The following SPOCK1 variants were observed in gnomAD, a reference collection of about 807,000 sequenced individuals.
SPOCK1 encodes SPARC (osteonectin), cwcv and kazal like domains proteoglycan 1, also known as testican-1.
SPOCK1 carries 23 observed loss-of-function variants against 55.3 expected under a neutral mutation model. That is an observed-to-expected ratio of 0.42 (90% CI 0.30 to 0.59). The LOEUF (loss-of-function observed/expected upper bound fraction) is 0.59. SPOCK1 is among the 20% of genes least tolerant of loss of function. The pLI, the probability that SPOCK1 is intolerant of heterozygous loss-of-function variation, is 0.22. For synonymous variants in SPOCK1, 226 were observed against 221.0 expected (o/e 1.02, Z -0.20); for missense variants, 499 against 552.5 (o/e 0.90, Z 0.97).
intron 2 of SPOCK1, among the ~76,000 whole-genome samples, chr5:137,432,115 T>A (rs1195022385): frequency 6.6e-6 from 1 of 152,020 alleles, no homozygotes; most frequent in African/African-American, 2.4e-5. Flanking sequence ...AAATAACAAG[T>A]GTTGGTATGA....
chr5:137,127,980 T>C (rs942470551), intron 4 of SPOCK1, among the ~76,000 whole-genome samples: 3 of 152,234 alleles, frequency 2.0e-5, no homozygotes, highest in Non-Finnish European at 2.9e-5. Context: ...AAGAATGCTA[T>C]GGACAATGTT....
intron 3 of SPOCK1, among the ~76,000 whole-genome samples, chr5:137,159,790 A>C (rs796193711): frequency 1.3e-5 from 2 of 152,096 alleles, no homozygotes; most frequent in Admixed American, 6.6e-5. Context: ...TGAACTGTCC[A>C]CTTTTAATTC....
At chr5:137,334,996 GA>G (rs1750216757) in intron 2 of SPOCK1, among the ~76,000 whole-genome samples, 1 of 152,206 alleles carries the variant, frequency 6.6e-6, no homozygotes, top group Admixed American at 6.5e-5. Context: ...TCACCCCTAT[GA>G]CATGTCCACA....
chr5:137,426,258 A>G (rs188784072), intron 2 of SPOCK1, among the ~76,000 whole-genome samples: 117 of 152,280 alleles, frequency 7.7e-4, no homozygotes, highest in African/African-American at 2.8e-3. Flanking sequence ...TTTAATCTAT[A>G]TATACCATGG....
At chr5:137,118,411 C>G (rs148264772) in intron 4 of SPOCK1, among the ~76,000 whole-genome samples, 1 of 152,212 alleles carries the variant, frequency 6.6e-6, no homozygotes, top group Non-Finnish European at 1.5e-5. Flanking sequence ...ACCTTCAACT[C>G]CGCACGTCAG....
intron 2 of SPOCK1, among the ~76,000 whole-genome samples, chr5:137,288,694 A>C (rs917814780): frequency 6.6e-6 from 1 of 152,222 alleles, no homozygotes; most frequent in Non-Finnish European, 1.5e-5. Context: ...TTTTACATAC[A>C]GAATTCTAAG....
At chr5:137,123,865 G>A (rs897902277) in intron 4 of SPOCK1, among the ~76,000 whole-genome samples, 1 of 152,086 alleles carries the variant, frequency 6.6e-6, no homozygotes. Context: ...TTACTTCCAT[G>A]AGATAGATCC....
chr5:137,328,528 G>A (rs1163130239), intron 2 of SPOCK1, among the ~76,000 whole-genome samples: 1 of 152,178 alleles, frequency 6.6e-6, no homozygotes, highest in Non-Finnish European at 1.5e-5. Context: ...GCCGTGCCAG[G>A]CCGACAGTGT....
At chr5:137,111,865 T>C (rs1753481824) in intron 5 of SPOCK1, among the ~76,000 whole-genome samples, 1 of 152,170 alleles carries the variant, frequency 6.6e-6, no homozygotes, top group Non-Finnish European at 1.5e-5. Flanking sequence ...GAAACAATTT[T>C]CTTGTTGTTG....
chr5:137,024,429 T>C (rs552364339), intron 6 of SPOCK1, among the ~76,000 whole-genome samples: 1 of 152,018 alleles, frequency 6.6e-6, no homozygotes, highest in South Asian at 2.1e-4. Context: ...GTTTTCAGAA[T>C]AAAAGGAGCA....
chr5:137,491,162 C>G (rs895031568), intron 2 of SPOCK1, among the ~76,000 whole-genome samples: 1 of 152,188 alleles, frequency 6.6e-6, no homozygotes, highest in Non-Finnish European at 1.5e-5. Flanking sequence ...AACTGATGCT[C>G]TAGCCAAACA....
intron 3 of SPOCK1, among the ~76,000 whole-genome samples, chr5:137,190,102 G>C (rs2127069579): frequency 6.6e-6 from 1 of 152,132 alleles, no homozygotes; most frequent in East Asian, 1.9e-4. Flanking sequence ...TCTACTGCTG[G>C]TGAAGAGGCT....
intron 4 of SPOCK1, among the ~76,000 whole-genome samples, chr5:137,121,839 T>G (rs1228185336): frequency 1.4e-5 from 2 of 146,688 alleles, no homozygotes; most frequent in Non-Finnish European, 3.0e-5. Flanking sequence ...TATTATTATA[T>G]TTTATAAATA....
At chr5:137,418,673 T>C (rs1752409915) in intron 2 of SPOCK1, among the ~76,000 whole-genome samples, 1 of 152,210 alleles carries the variant, frequency 6.6e-6, no homozygotes, top group South Asian at 2.1e-4. Context: ...ATAAATTTGT[T>C]TGAGTTCTTT....
intron 3 of SPOCK1, among the ~76,000 whole-genome samples, chr5:137,252,762 A>G (rs1243928344): frequency 6.6e-6 from 1 of 152,260 alleles, no homozygotes; most frequent in Non-Finnish European, 1.5e-5. Context: ...CAAAACTACA[A>G]TTAATCTGGC....
intron 2 of SPOCK1, among the ~76,000 whole-genome samples, chr5:137,434,104 A>T (rs1752805309): frequency 6.6e-6 from 1 of 152,240 alleles, no homozygotes; most frequent in Non-Finnish European, 1.5e-5. Flanking sequence ...TTTAAATCTA[A>T]TTAAACAGAT....
intron 2 of SPOCK1, among the ~76,000 whole-genome samples, chr5:137,413,221 C>T (rs1337407698): frequency 1.3e-5 from 2 of 152,074 alleles, no homozygotes; most frequent in African/African-American, 2.4e-5. Flanking sequence ...ATTGACTCTT[C>T]GTCTATTTTG....
intron 2 of SPOCK1, among the ~76,000 whole-genome samples, chr5:137,402,108 T>C (rs1733636051): frequency 6.6e-6 from 1 of 152,170 alleles, no homozygotes; most frequent in Non-Finnish European, 1.5e-5. Flanking sequence ...GATTTCACCT[T>C]CAGGCCAGCA....
intron 3 of SPOCK1, among the ~76,000 whole-genome samples, chr5:137,239,477 G>A (rs1302357604): frequency 6.6e-6 from 1 of 152,124 alleles, no homozygotes; most frequent in Non-Finnish European, 1.5e-5. Flanking sequence ...GGAGGTGTGG[G>A]AACTCCTGAA....
Sources: gnomAD v4.1 joint callset for allele counts (sites outside exome capture counted in the v4.1 genomes callset) on GRCh38, gnomAD v4.1.1 for gene constraint, MANE v1.5 for transcripts, NCBI Gene and HGNC (gene_info 2026-07-23, HGNC 2026-07-21) for gene names.